The following KLF12 variants were observed in gnomAD, a reference collection of about 807,000 sequenced individuals.
KLF12 encodes Krueppel-like factor 12.
In KLF12, 9 loss-of-function variants were observed where a neutral mutation model predicts 37.8. The ratio of observed to expected loss-of-function variants is 0.24; its 90% CI spans 0.14 to 0.42. The LOEUF (loss-of-function observed/expected upper bound fraction) is 0.42. Among genes scored for constraint, KLF12 ranks in the 10% least tolerant of loss-of-function variants. The pLI is 1.00. For missense variants in KLF12, 411 were observed against 516.0 expected, an observed-to-expected ratio of 0.80 and a Z score of 1.97; for synonymous variants, 208 against 202.1, an observed-to-expected ratio of 1.03 and a Z score of -0.25.
chr13:74,144,601 G>A, the KLF12 span, among the ~76,000 whole-genome samples: 1 of 152,206 alleles, frequency 6.6e-6, no homozygotes, highest in African/African-American at 2.4e-5. Flanking sequence ...ATGTATGGCT[G>A]AACATTGTAT....
intron 1 of KLF12, among the ~76,000 whole-genome samples, chr13:74,026,094 T>C (rs1342417518): frequency 8.6e-5 from 13 of 151,108 alleles, no homozygotes; most frequent in African/African-American, 2.4e-5. Flanking sequence ...ATTTTTATTA[T>C]AAAGATCGAT....
At chr13:74,112,901 T>C (rs1431970963) in intron 1 of KLF12, among the ~76,000 whole-genome samples, 1 of 152,168 alleles carries the variant, frequency 6.6e-6, no homozygotes, top group Non-Finnish European at 1.5e-5. Flanking sequence ...AAGTTGTGAA[T>C]GCCAAGCAAA....
chr13:74,105,230 T>C (rs1206919684), intron 1 of KLF12, among the ~76,000 whole-genome samples: 3 of 152,176 alleles, frequency 2.0e-5, no homozygotes, highest in Non-Finnish European at 4.4e-5. Flanking sequence ...TCAAAGGAAA[T>C]ATTGACTTAG....
the KLF12 span, among the ~76,000 whole-genome samples, chr13:74,193,048 G>A: frequency 6.2e-5 from 9 of 146,040 alleles, no homozygotes; most frequent in African/African-American, 7.7e-5. Context: ...GTGTGATCTC[G>A]GCTCACTGCA....
At chr13:73,916,698 T>C (rs1463899745) in intron 3 of KLF12, among the ~76,000 whole-genome samples, 1 of 152,186 alleles carries the variant, frequency 6.6e-6, no homozygotes, top group Non-Finnish European at 1.5e-5. Context: ...TACTTTGCAG[T>C]GAGGGCTTAA....
At chr13:74,237,875 T>C in the KLF12 span, among the ~76,000 whole-genome samples, 8 of 152,212 alleles carry the variant, frequency 5.3e-5, no homozygotes, top group African/African-American at 1.9e-4. Context: ...TACAATCATG[T>C]GGTCTGCAAA....
At chr13:73,881,670 C>A (rs1175031140) in intron 3 of KLF12, among the ~76,000 whole-genome samples, 1 of 151,400 alleles carries the variant, frequency 6.6e-6, no homozygotes, top group Non-Finnish European at 1.5e-5. Flanking sequence ...ATTTTTTTTT[C>A]CTAAATAAAC....
chr13:74,071,786 C>T (rs1192886675), intron 1 of KLF12, among the ~76,000 whole-genome samples: 4 of 152,178 alleles, frequency 2.6e-5, no homozygotes, highest in Admixed American at 6.5e-5. Context: ...GAGTGAACTA[C>T]GTTAAAGAGG....
chr13:73,706,913 C>T (rs1337263209), intron 7 of KLF12, among the ~76,000 whole-genome samples: 3 of 152,172 alleles, frequency 2.0e-5, no homozygotes, highest in African/African-American at 7.2e-5. Flanking sequence ...GCTTTTGGTC[C>T]ACATCTTCTC....
At chr13:73,720,577 A>AT (rs1015897424) in intron 6 of KLF12, among the ~76,000 whole-genome samples, 4 of 152,218 alleles carry the variant, frequency 2.6e-5, no homozygotes, top group Admixed American at 2.6e-4. Context: ...AGAGTAGTGA[A>AT]TGAACACCTG....
intron 2 of KLF12, among the ~76,000 whole-genome samples, chr13:73,970,689 G>C (rs574141201): frequency 4.3e-4 from 66 of 152,272 alleles, no homozygotes; most frequent in Non-Finnish European, 7.4e-4. Flanking sequence ...GTACCAGACT[G>C]TCGGACAACT....
At chr13:74,130,562 T>C (rs965133846) in intron 1 of KLF12, among the ~76,000 whole-genome samples, 6 of 150,316 alleles carry the variant, frequency 4.0e-5, no homozygotes, top group African/African-American at 1.5e-4. Context: ...GAGGCTAAGG[T>C]GGGAGGATCC....
chr13:73,947,973 C>A (rs1890504890), intron 2 of KLF12, among the ~76,000 whole-genome samples: 1 of 152,156 alleles, frequency 6.6e-6, no homozygotes, highest in South Asian at 2.1e-4. Flanking sequence ...CAGTTCTAAG[C>A]TTTTAAACAA....
At chr13:74,255,605 T>C in the KLF12 span, among the ~76,000 whole-genome samples, 1 of 152,178 alleles carries the variant, frequency 6.6e-6, no homozygotes, top group Non-Finnish European at 1.5e-5. Flanking sequence ...CACAAAACAG[T>C]TATTTGTAGC....
In KLF12 at chr13:74,054,876, T is replaced by C. The variant is rs77830333; in HGVS notation, c.-31-59823A>G. Among the ~76,000 whole-genome samples, 850 of 152,300 alleles carry C rather than the reference T, an allele frequency of 5.6e-3. 12 individuals are homozygous for C. Among genetic ancestry groups the C allele is most frequent in the African/African-American group, 0.02 (811 of 41,558 alleles). ...ATCTTCAGTGCACATATACACTAATTTGAAATTAGCAAAGACTTAATACTA... is the reference window on the plus strand; with the variant it reads ...ATCTTCAGTGCACATATACACTAATCTGAAATTAGCAAAGACTTAATACTA... On this transcript the variant is annotated intron_variant, in intron 1 of 7. Coordinates refer to ENST00000377669, the MANE Select transcript of KLF12 (RefSeq NM_007249.5).
intron 4 of KLF12, 39 bp from the exon 5 acceptor site, chr13:73,813,326 G>T (rs746497568): frequency 1.2e-6 from 2 of 1,610,658 alleles, no homozygotes; most frequent in Non-Finnish European, 1.7e-6. Flanking sequence ...TAAAATCAGT[G>T]CGCAGAAAGT....
chr13:73,874,664 C>T (rs994824451), intron 3 of KLF12, among the ~76,000 whole-genome samples: 24 of 152,086 alleles, frequency 1.6e-4, no homozygotes, highest in African/African-American at 5.8e-4. Context: ...CCTATTATAC[C>T]ACCCTCCACC....
At chr13:73,915,595 C>T (rs2139180304) in intron 3 of KLF12, among the ~76,000 whole-genome samples, 1 of 151,944 alleles carries the variant, frequency 6.6e-6, no homozygotes, top group South Asian at 2.1e-4. Flanking sequence ...TCACTGCAAG[C>T]TCCACCTCCC....
intron 2 of KLF12, among the ~76,000 whole-genome samples, chr13:73,988,007 A>G (rs950710915): frequency 3.3e-5 from 5 of 152,292 alleles, no homozygotes; most frequent in Non-Finnish European, 7.4e-5. Flanking sequence ...CTGTCTAAAT[A>G]AAGATGTCAT....
Sources: gnomAD v4.1 joint callset for allele counts (sites outside exome capture counted in the v4.1 genomes callset) on GRCh38, gnomAD v4.1.1 for gene constraint, MANE v1.5 for transcripts, NCBI Gene and HGNC (gene_info 2026-07-23, HGNC 2026-07-21) for gene names.